Variants in TRNAU1AP observed in about 807,000 individuals in gnomAD.
TRNAU1AP encodes the protein tRNA selenocysteine 1-associated protein 1.
TRNAU1AP carries 33 observed loss-of-function variants against 43.3 expected under a neutral mutation model. The observed-to-expected ratio is 0.76, with a 90% CI of 0.58 to 1.02. TRNAU1AP has a LOEUF of 1.02. Ranked by LOEUF, TRNAU1AP falls within the 50% of genes least tolerant of loss-of-function variation. The pLI is 0.00. For synonymous variants in TRNAU1AP, 143 were observed against 129.1 expected, an observed-to-expected ratio of 1.11 and a Z score of -0.73; for missense variants, 290 against 362.7, an observed-to-expected ratio of 0.80 and a Z score of 1.63.
intron 2 of TRNAU1AP, 167 bp downstream of exon 2, chr1:28,553,904 A>G (rs1352839936): frequency 1.5e-6 from 1 of 657,688 alleles, no homozygotes; most frequent in African/African-American, 1.8e-5. Context: ...CATGTAGCTT[A>G]AGGGTAGGAC....
Position 28,564,826 on chromosome 1 carries a change from C to A in TRNAU1AP, c.402C>A (p.Gly134=), listed in dbSNP as rs985137732. The stretch of plus-strand genomic sequence containing the variant: ...GCAAGGTGGTTTTGGACCAGACAGG[C>A]GTGTCTAAGTAAGGCCTTACTTGTT... ...RGGKVVLDQT[G]VSKGYGFVKF... is the part of the protein sequence containing the mutation. The change falls in exon 5 of 9, where the codon GGC becomes GGA. Residue 134 remains glycine (G), a synonymous_variant. Coordinates refer to ENST00000373830, the MANE Select transcript of TRNAU1AP (RefSeq NM_017846.5). The A allele has an allele frequency of 6.2e-7, 1 of 1,614,024 alleles. No individual in the cohort carries two copies. The highest frequency in any genetic ancestry group is 1.3e-5 in the African/African-American group (1 of 75,042).
intron 4 of TRNAU1AP, among the ~76,000 whole-genome samples, chr1:28,563,448 C>T (rs181063046): frequency 5.2e-4 from 79 of 151,468 alleles, no homozygotes; most frequent in African/African-American, 1.9e-3. Flanking sequence ...TTTGGGAGGC[C>T]GAGGAGGGTG....
intron 4 of TRNAU1AP, among the ~76,000 whole-genome samples, chr1:28,563,873 A>T (rs888409618): frequency 4.6e-5 from 7 of 152,020 alleles, no homozygotes. Context: ...AAAAAAAATA[A>T]CAAAGGTTTG....
At position 28,560,811 on chromosome 1, in the gene TRNAU1AP, A is replaced by G. The variant is rs1665389073; in HGVS notation, c.225+79A>G. 10 of 1,199,748 alleles carry G rather than the reference A, an allele frequency of 8.3e-6. No homozygotes were observed. The South Asian group carries it at 1.4e-4, about 17-fold the overall frequency. The allele number at this position is 1,199,748 out of a possible 1,614,324, so 74.3% of individuals were successfully genotyped here. On this transcript the variant is annotated intron_variant, in intron 3 of 8. Transcript: ENST00000373830. ...ACCATCTATTGAATCCCTACTGTAT[A>G]CTTATTTTATTTAATCCTAAAACAA...
At chr1:28,570,365 A>G (rs1665637741) in intron 6 of TRNAU1AP, among the ~76,000 whole-genome samples, 1 of 151,884 alleles carries the variant, frequency 6.6e-6, no homozygotes, top group South Asian at 2.1e-4. Flanking sequence ...CTCCTGCCTC[A>G]GCTTCACAAG....
rs10157537 is a variant in TRNAU1AP at position 28,561,945 on chromosome 1, G to A, written c.278+547G>A. 1.5e-3 allele frequency among the ~76,000 whole-genome samples: 227 copies of A among 152,100 alleles called. 1 individual carries two copies. The highest frequency in any genetic ancestry group is 4.9e-3 in the African/African-American group (202 of 41,420). ...AAATTAGCCGGGCGTGGTGGCAGGC[G>A]CCTGTAGTCCCAGCTACTCAGGAGG... On this transcript the variant is annotated intron_variant, in intron 4 of 8. Coordinates refer to ENST00000373830, the MANE Select transcript of TRNAU1AP (RefSeq NM_017846.5).
chr1:28,566,153 A>G (rs138314210), intron 5 of TRNAU1AP, among the ~76,000 whole-genome samples: 246 of 151,178 alleles, frequency 1.6e-3, no homozygotes, highest in Non-Finnish European at 2.8e-3. Flanking sequence ...TGTCTCTACT[A>G]AAAATACAAA....
At chr1:28,564,629 G>A in intron 4 of TRNAU1AP, 74 bp from the exon 5 acceptor site, 1 of 1,542,948 alleles carries the variant, frequency 6.5e-7, no homozygotes, top group Non-Finnish European at 8.7e-7. Context: ...AGGTTTACCT[G>A]GAATATGCAA....
intron 8 of TRNAU1AP, among the ~76,000 whole-genome samples, chr1:28,572,683 C>G (rs946902478): frequency 1.3e-5 from 2 of 151,396 alleles, no homozygotes. Flanking sequence ...GCCTCTAATC[C>G]CAGCACTTTG....
chr1:28,553,261 T>A, intron 1 of TRNAU1AP, 124 bp downstream of exon 1: 1 of 1,124,466 alleles, frequency 8.9e-7, no homozygotes, highest in East Asian at 2.9e-5. Flanking sequence ...CGGGGGTTCT[T>A]TTTGGTGACA....
In TRNAU1AP at chr1:28,578,149, A is replaced by T. The variant is rs1465676917; in HGVS notation, c.*513A>T. 6.3e-6 allele frequency: 1 copy of T among 158,152 alleles called. No homozygotes were observed. Among genetic ancestry groups the T allele is most frequent in the Non-Finnish European group, 1.4e-5 (1 of 71,718 alleles). The allele number at this position is 158,152 out of a possible 1,614,324, so 9.8% of individuals were successfully genotyped here. The stretch of plus-strand genomic sequence containing the variant: ...GTGATGGAACAGGCCAGTTGGCCTA[A>T]GAATTAGTACTTGCTCTAATAATGG... On this transcript the variant is annotated 3_prime_UTR_variant, in exon 9 of 9. Transcript: ENST00000373830.
intron 5 of TRNAU1AP, among the ~76,000 whole-genome samples, chr1:28,566,298 C>T (rs367831620): frequency 9.1e-4 from 126 of 138,170 alleles, no homozygotes; most frequent in African/African-American, 3.0e-3. Context: ...CTGGGAGACA[C>T]AGCGAGACTC....
At chr1:28,567,782 T>C (rs1665573441) in intron 6 of TRNAU1AP, among the ~76,000 whole-genome samples, 1 of 152,048 alleles carries the variant, frequency 6.6e-6, no homozygotes, top group East Asian at 1.9e-4. Flanking sequence ...GGGGAAAAAA[T>C]TACTTCCATT....
At chr1:28,561,161 C>G in intron 3 of TRNAU1AP, 185 bp from the exon 4 acceptor site, 1 of 1,429,986 alleles carries the variant, frequency 7.0e-7, no homozygotes, top group Non-Finnish European at 9.1e-7. Flanking sequence ...CTCATAGAAC[C>G]ATGGAGCTGG....
intron 2 of TRNAU1AP, among the ~76,000 whole-genome samples, chr1:28,557,684 G>A (rs1243660342): frequency 6.6e-6 from 1 of 151,638 alleles, no homozygotes; most frequent in Non-Finnish European, 1.5e-5. Context: ...CACCTCTCGG[G>A]TTCAAGCCAT....
At position 28,578,280 on chromosome 1, in the gene TRNAU1AP, A is replaced by C. The variant is rs917236493; in HGVS notation, c.*644A>C. ...AAGGCAGCTCAGAAAGGATTAAGGA[A>C]GATAGCTCAAAGCCAAAGCAGACCC... On this transcript the variant is annotated 3_prime_UTR_variant, in exon 9 of 9. Transcript: ENST00000373830. 6.1e-6 allele frequency: 1 copy of C among 164,416 alleles called. No homozygotes were observed. Among genetic ancestry groups the C allele is most frequent in the African/African-American group, 2.4e-5 (1 of 41,568 alleles). The allele number at this position is 164,416 out of a possible 1,614,324, so 10.2% of individuals were successfully genotyped here.
chr1:28,567,345 G>C lies in TRNAU1AP; in HGVS notation c.462G>C (p.Leu154=), dbSNP rs1427292682. The change falls in exon 6 of 9, where the codon CTG becomes CTC. Residue 154 remains leucine (L), a synonymous_variant. Coordinates refer to ENST00000373830, the MANE Select transcript of TRNAU1AP (RefSeq NM_017846.5). ...ATGAACTGGAACAGAAGCGAGCCCT[G>C]ACGGAGTGCCAGGGAGCAGTGGGAC... is the stretch of plus-strand genomic sequence containing the variant. ...FTDELEQKRA[L]TECQGAVGLG... is the part of the protein sequence containing the mutation. 6.2e-7 allele frequency: 1 copy of C among 1,613,908 alleles called. No homozygotes were observed.
At position 28,567,375 on chromosome 1, in the gene TRNAU1AP, G is replaced by A. The variant is rs779891075; in HGVS notation, c.492G>A (p.Gly164=). Residue 164 remains glycine, a synonymous_variant, in exon 6 of 9, where the codon GGG becomes GGA. Transcript: ENST00000373830. ...LTECQGAVGL[G]SKPVRLSVAI... ...AGTGCCAGGGAGCAGTGGGACTGGG[G>A]TCTAAGCCTGTGCGGCTGAGCGTGG... The A allele has an allele frequency of 6.2e-7, 1 of 1,613,136 alleles. No individual in the cohort carries two copies. Among genetic ancestry groups the A allele is most frequent in the Non-Finnish European group, 8.5e-7 (1 of 1,179,796 alleles).
intron 2 of TRNAU1AP, among the ~76,000 whole-genome samples, chr1:28,558,384 T>G (rs1232125163): frequency 6.7e-6 from 1 of 150,270 alleles, no homozygotes; most frequent in Non-Finnish European, 1.5e-5. Flanking sequence ...CCAGCTAATT[T>G]TCGTATATTT....
Sources: allele counts gnomAD v4.1 joint callset (sites outside exome capture counted in the v4.1 genomes callset), GRCh38; gene constraint gnomAD v4.1.1; transcripts MANE v1.5; gene names NCBI Gene and HGNC (gene_info 2026-07-23, HGNC 2026-07-21).